Variants in SIK2 observed in about 807,000 individuals in gnomAD.
The protein encoded by SIK2 is serine/threonine-protein kinase SIK2.
In SIK2, 29 loss-of-function variants were observed where a neutral mutation model predicts 103.2. The observed-to-expected ratio is 0.28, with a 90% CI of 0.21 to 0.38. The LOEUF (loss-of-function observed/expected upper bound fraction) is 0.38. Among genes scored for constraint, SIK2 ranks in the 10% least tolerant of loss-of-function variants. The pLI is 1.00. For synonymous variants in SIK2, 412 were observed against 446.1 expected, an observed-to-expected ratio of 0.92 and a Z score of 0.96; for missense variants, 879 against 1,171.0, an observed-to-expected ratio of 0.75 and a Z score of 3.64.
chr11:111,703,873 G>T (rs547176897), intron 7 of SIK2, among the ~76,000 whole-genome samples: 52 of 152,262 alleles, frequency 3.4e-4, no homozygotes, highest in African/African-American at 1.2e-3. Context: ...GCAAAAACAG[G>T]TGGGCTCCTG....
chr11:111,709,538 G>A (rs1434817798), intron 8 of SIK2, among the ~76,000 whole-genome samples: 2 of 152,202 alleles, frequency 1.3e-5, no homozygotes, highest in African/African-American at 4.8e-5. Context: ...TCTAAAGAGT[G>A]ATCACAATTT....
chr11:111,662,309 A>G (rs1384089318), intron 3 of SIK2, among the ~76,000 whole-genome samples: 3 of 152,238 alleles, frequency 2.0e-5, no homozygotes, highest in African/African-American at 4.8e-5. Context: ...ACTATATGAC[A>G]AGCATTGTTC....
chr11:111,671,560 G>A (rs559280533), intron 3 of SIK2: 2 of 324,904 alleles, frequency 6.2e-6, no homozygotes, highest in South Asian at 6.0e-5. Context: ...CTCAGCCTTG[G>A]CCTGGCTGTG....
intron 3 of SIK2, among the ~76,000 whole-genome samples, chr11:111,673,996 C>T (rs560251427): frequency 4.6e-5 from 7 of 151,318 alleles, no homozygotes; most frequent in Non-Finnish European, 1.0e-4. Flanking sequence ...ATCACTTGAA[C>T]CCGCGAGACG....
chr11:111,669,522 G>A (rs1942594654), intron 3 of SIK2, among the ~76,000 whole-genome samples: 1 of 151,998 alleles, frequency 6.6e-6, no homozygotes, highest in Non-Finnish European at 1.5e-5. Context: ...CTTGAGCCCA[G>A]GAGTTCTAAT....
chr11:111,661,267 C>G (rs1437459339), intron 3 of SIK2, among the ~76,000 whole-genome samples: 1 of 152,122 alleles, frequency 6.6e-6, no homozygotes, highest in East Asian at 1.9e-4. Context: ...AATACCCATA[C>G]CAGCAGTTTG....
In SIK2 at chr11:111,701,905, G is replaced by A. The variant is rs982916898; in HGVS notation, c.727+330G>A. ...CAACCATTTTACTCCAATATGAAAT[G>A]AACTTTATAAAATTAAAATTTTTTT... On this transcript the variant is annotated intron_variant, in intron 6 of 14. Transcript: ENST00000304987. This position sits in a 1 kb window ranked among gnomAD's most constrained non-coding sequence, Gnocchi z 4.2. Among the ~76,000 whole-genome samples the A allele has an allele frequency of 3.3e-5, 5 of 152,158 alleles. No homozygotes were observed. The highest frequency in any genetic ancestry group is 1.2e-4 in the African/African-American group (5 of 41,504).
intron 3 of SIK2, among the ~76,000 whole-genome samples, chr11:111,672,712 A>G (rs1013820172): frequency 1.3e-5 from 2 of 152,214 alleles, no homozygotes; most frequent in African/African-American, 4.8e-5. Flanking sequence ...TGAAATCTGT[A>G]GAAACAACAC....
At chr11:111,697,597 G>A (rs1385730048) in intron 4 of SIK2, among the ~76,000 whole-genome samples, 1 of 152,176 alleles carries the variant, frequency 6.6e-6, no homozygotes, top group Non-Finnish European at 1.5e-5. Flanking sequence ...AAGAAGTTAA[G>A]TAATTTGTCC....
chr11:111,720,362 T>G, intron 10 of SIK2, 116 bp from the exon 11 acceptor site: 3 of 1,114,156 alleles, frequency 2.7e-6, no homozygotes, highest in Non-Finnish European at 3.8e-6. Context: ...AAAGATGTTT[T>G]GATTGGAAAT....
chr11:111,700,962 A>G lies in SIK2; in HGVS notation c.555A>G (p.Pro185=). ...GTGGCAGCCCCCCTTATGCAGCCCC[A>G]GAAGTCTTTGAAGGGCAGCAGTATG... The part of the protein sequence containing the change: ...TWCGSPPYAA[P]EVFEGQQYEG... Residue 185 remains proline, a synonymous_variant, in exon 5 of 15, where the codon CCA becomes CCG. Transcript: ENST00000304987. 6.2e-7 allele frequency: 1 copy of G among 1,614,086 alleles called. No individual in the cohort carries two copies. The highest frequency in any genetic ancestry group is 8.5e-7 in the Non-Finnish European group (1 of 1,179,974).
chr11:111,640,103 A>ATGT (rs1942160927), intron 3 of SIK2, among the ~76,000 whole-genome samples: 1 of 152,146 alleles, frequency 6.6e-6, no homozygotes, highest in African/African-American at 2.4e-5. Context: ...TCCTGTTCCA[A>ATGT]TACTTCACCA....
chr11:111,722,592 A>C lies in SIK2; in HGVS notation c.2056-73A>C. Reference sequence around the variant, plus strand: ...ATGCAGTTAGATTCATCCTGCAGGCAGAAGCACATCTGATGACTGCATCCT... The same window carrying C: ...ATGCAGTTAGATTCATCCTGCAGGCCGAAGCACATCTGATGACTGCATCCT... On this transcript the variant is annotated intron_variant, in intron 13 of 14. Transcript: ENST00000304987. This position sits in a 1 kb window ranked among gnomAD's most constrained non-coding sequence, Gnocchi z 4.4. 1.4e-6 allele frequency: 2 copies of C among 1,392,894 alleles called. No individual in the cohort carries two copies. The highest frequency in any genetic ancestry group is 2.0e-6 in the Non-Finnish European group (2 of 994,612). The allele number at this position is 1,392,894 out of a possible 1,614,324, so 86.3% of individuals were successfully genotyped here. A position where few individuals can be genotyped will look rare whatever the true frequency, so the allele number is the denominator to read the frequency against.
At chr11:111,674,543 A>G (rs1774031752) in intron 3 of SIK2, among the ~76,000 whole-genome samples, 1 of 152,240 alleles carries the variant, frequency 6.6e-6, no homozygotes, top group South Asian at 2.1e-4. Flanking sequence ...TTCAAAGCCA[A>G]TCAGGTTGGT....
rs991402051 is a variant in SIK2, at chr11:111,688,228, A to C, written c.478+66A>C. ...GCCACTGCACTCAGTGTGTGGAAAC[A>C]GACCTGCAGGCGCAGATTCAGCAGC... On this transcript the variant is annotated intron_variant, in intron 4 of 14. Transcript: ENST00000304987. The surrounding 1 kb of genome is among the most constrained non-coding windows in gnomAD (Gnocchi z 4.2). 17 of 1,537,288 alleles carry C rather than the reference A, an allele frequency of 1.1e-5. No individual in the cohort carries two copies. Among genetic ancestry groups the C allele is most frequent in the Non-Finnish European group, 1.4e-5 (16 of 1,115,602 alleles).
chr11:111,652,109 GT>G (rs1378032844), intron 3 of SIK2, among the ~76,000 whole-genome samples: 2 of 152,102 alleles, frequency 1.3e-5, no homozygotes, highest in Non-Finnish European at 2.9e-5. Context: ...AGTATCCGCT[GT>G]GTAAAAATAC....
intron 6 of SIK2, among the ~76,000 whole-genome samples, chr11:111,702,740 A>C (rs528982874): frequency 6.6e-6 from 1 of 152,210 alleles, no homozygotes; most frequent in Admixed American, 6.5e-5. Flanking sequence ...GTCAGAAGTA[A>C]GTAATATTTT....
intron 9 of SIK2, chr11:111,718,728 A>G (rs966511021): frequency 6.6e-6 from 1 of 152,188 alleles, no homozygotes; most frequent in Non-Finnish European, 1.5e-5. Context: ...CCTGCTTCCA[A>G]AGGAAACAGT....
At chr11:111,644,576 GTTTA>G (rs1255804070) in intron 3 of SIK2, among the ~76,000 whole-genome samples, 1 of 151,988 alleles carries the variant, frequency 6.6e-6, no homozygotes, top group Non-Finnish European at 1.5e-5. Flanking sequence ...TTACCTGTTA[GTTTA>G]TTTCTCATCT....
Sources: gnomAD v4.1 joint callset for allele counts (sites outside exome capture counted in the v4.1 genomes callset) on GRCh38, gnomAD v4.1.1 for gene constraint, Gnocchi (gnomAD v3.1) non-coding constraint, MANE v1.5 for transcripts, NCBI Gene and HGNC (gene_info 2026-07-23, HGNC 2026-07-21) for gene names.